The following COPA variants were observed in gnomAD, a reference collection of about 807,000 sequenced individuals.
COPA encodes coatomer subunit alpha.
A neutral mutation model predicts 158.7 loss-of-function variants in COPA; 10 were observed. That is an observed-to-expected ratio of 0.06 (90% CI 0.04 to 0.11). The LOEUF is 0.11. Among genes scored for constraint, COPA ranks in the 10% least tolerant of loss-of-function variants. COPA has a pLI of 1.00. For missense variants in COPA, 1,065 were observed against 1,536.7 expected (o/e 0.69, Z 5.13); for synonymous variants, 462 against 542.8 (o/e 0.85, Z 2.07).
Position 160,313,108 on chromosome 1 carries a change from G to A in COPA, c.902C>T (p.Pro301Leu). The A allele has an allele frequency of 6.2e-7, 1 of 1,614,120 alleles. No homozygotes were observed. Among genetic ancestry groups the A allele is most frequent in the Non-Finnish European group, 8.5e-7 (1 of 1,180,012 alleles). ...ACCTGCTGCAAAGAGGTTAAGGTTA[G>A]GGTGAGCAGCTAGGACCCAGAAACG... is the stretch of plus-strand genomic sequence containing the variant. ...HDRFWVLAAH[P>L]NLNLFAAGHD... Residue 301 changes from proline (P) to leucine (L), a missense_variant, in exon 10 of 33, where the codon CCT (proline) becomes CTT (leucine). By Grantham distance (98) the Pro-to-Leu change is moderately conservative. Around this residue, in one of 2 missense-constraint regions of COPA, gnomAD observed 980 missense variants for 1,357.8 expected, o/e 0.72. Coordinates refer to ENST00000241704, the MANE Select transcript of COPA (RefSeq NM_004371.4).
intron 1 of COPA, 63 bp from the exon 2 acceptor site, chr1:160,340,357 T>C: frequency 4.8e-6 from 5 of 1,043,114 alleles, no homozygotes; most frequent in Non-Finnish European, 7.3e-6. Flanking sequence ...CTTCTGTCAA[T>C]TCTGATAAGA....
In COPA at chr1:160,294,626, G is replaced by C. The variant is rs1289916135; in HGVS notation, c.2567-33C>G. The C allele has an allele frequency of 2.5e-6, 4 of 1,610,684 alleles. No homozygotes were observed. In the South Asian group the frequency reaches 4.4e-5, roughly 18 times the overall value. On this transcript the variant is annotated intron_variant, in intron 24 of 32. Coordinates refer to ENST00000241704, the MANE Select transcript of COPA (RefSeq NM_004371.4). ...GAAAATTCAAGCTCAAAACAGATTTGGGCAGTGGCATAATCTTAGCCAAAG... is the reference window on the plus strand; with the variant it reads ...GAAAATTCAAGCTCAAAACAGATTTCGGCAGTGGCATAATCTTAGCCAAAG...
At chr1:160,296,592 TTGAC>T (rs1285338291) in intron 21 of COPA, among the ~76,000 whole-genome samples, 6 of 152,214 alleles carry the variant, frequency 3.9e-5, no homozygotes, top group African/African-American at 1.4e-4. Flanking sequence ...GGCCAACACT[TTGAC>T]TGTAGCCTCA....
intron 22 of COPA, 21 bp from the exon 23 acceptor site, chr1:160,295,880 G>A (rs371958512): frequency 1.9e-6 from 3 of 1,591,694 alleles, no homozygotes; most frequent in South Asian, 2.3e-5. Flanking sequence ...GAAGAAAAGA[G>A]GCTAAAAACA....
intron 23 of COPA, 144 bp downstream of exon 23, chr1:160,295,592 C>T (rs1049893440): frequency 2.3e-6 from 2 of 882,180 alleles, no homozygotes; most frequent in African/African-American, 3.5e-5. Context: ...TTTAAGACTG[C>T]ACCATAAATG....
intron 9 of COPA, 123 bp from the exon 10 acceptor site, chr1:160,313,290 C>T (rs1659028258): frequency 1.4e-5 from 11 of 792,360 alleles, no homozygotes; most frequent in South Asian, 1.1e-4. Context: ...GAGTAAACTG[C>T]ATATCCTAAG....
In COPA at chr1:160,299,437, C is replaced by T. The variant is rs149239084; in HGVS notation, c.1668-173G>A. Among the ~76,000 whole-genome samples, 248 of 152,258 alleles carry T rather than the reference C, an allele frequency of 1.6e-3. 1 individual carries two copies. Among genetic ancestry groups the T allele is most frequent in the Non-Finnish European group, 9.3e-4 (63 of 68,034 alleles). On this transcript the variant is annotated intron_variant, in intron 17 of 32. Transcript: ENST00000241704. ...TGCCAAATTTATCATATTCTTTCTA[C>T]GATGGGGTAGATGGCACGATCTTTA...
At position 160,333,588 on chromosome 1, in the gene COPA, T is replaced by C. The variant is rs1647631433; in HGVS notation, c.386+15A>G. 1 of 1,600,696 alleles carries C rather than the reference T, an allele frequency of 6.2e-7. No homozygotes were observed. Among genetic ancestry groups the C allele is most frequent in the African/African-American group, 1.3e-5 (1 of 74,388 alleles). ...AAATGAAGACTCTTTTCGAGCCCTC[T>C]GCCTCCTGCTTTACCAAACACAGGT... On this transcript the variant is annotated intron_variant, in intron 5 of 32. Transcript: ENST00000241704.
intron 31 of COPA, 112 bp downstream of exon 31, chr1:160,291,223 T>C (rs1026708304): frequency 2.5e-6 from 3 of 1,216,666 alleles, no homozygotes; most frequent in Non-Finnish European, 3.5e-6. Context: ...TGTTGGCTTT[T>C]TGTTGAATGT....
intron 3 of COPA, 151 bp from the exon 4 acceptor site, chr1:160,335,473 A>G: frequency 2.0e-6 from 1 of 510,566 alleles, no homozygotes; most frequent in African/African-American, 2.0e-5. Context: ...ATAGGTAGGA[A>G]CCTTGGTAGA....
At chr1:160,317,181 A>G (rs1288891579) in intron 8 of COPA, among the ~76,000 whole-genome samples, 3 of 152,242 alleles carry the variant, frequency 2.0e-5, no homozygotes, top group African/African-American at 7.2e-5. Context: ...TCCCATACAA[A>G]CAAAAGGTGA....
At chr1:160,325,690 A>T in intron 6 of COPA, 38 bp from the exon 7 acceptor site, 3 of 1,454,096 alleles carry the variant, frequency 2.1e-6, no homozygotes, top group Non-Finnish European at 2.9e-6. Flanking sequence ...AGATGTAAAC[A>T]TAATATTATC....
chr1:160,299,220 G>C lies in COPA; in HGVS notation c.1712C>G (p.Thr571Arg). 6.2e-7 allele frequency: 1 copy of C among 1,614,126 alleles called. No individual in the cohort carries two copies. The highest frequency in any genetic ancestry group is 8.5e-7 in the Non-Finnish European group (1 of 1,179,990). Reference protein sequence around the residue: ...IRTLDLPIYVTRVKGNNVYCL... With the variant: ...IRTLDLPIYVRRVKGNNVYCL... ...GTATACATTGTTGCCCTTCACCCGT[G>C]TGACATAGATGGGTAAATCCAGAGT... Residue 571 changes from threonine (T) to arginine (R), a missense_variant, in exon 18 of 33, where the codon ACA becomes AGA. Thr to Arg is a moderately conservative substitution (Grantham distance 71). Around this residue, in one of 2 missense-constraint regions of COPA, gnomAD observed 980 missense variants for 1,357.8 expected, o/e 0.72. Transcript: ENST00000241704.
intron 3 of COPA, among the ~76,000 whole-genome samples, chr1:160,338,135 A>C (rs1213726736): frequency 1.3e-5 from 2 of 152,214 alleles, no homozygotes; most frequent in Non-Finnish European, 2.9e-5. Context: ...ATTAACACCC[A>C]GTTTTTCCTT....
chr1:160,305,378 C>G (rs953577361), intron 17 of COPA, 55 bp downstream of exon 17: 3 of 1,566,308 alleles, frequency 1.9e-6, no homozygotes, highest in African/African-American at 1.4e-5. Flanking sequence ...CAAGACAAGA[C>G]AGTGATTTCA....
rs1557879585 is a variant in COPA at position 160,343,200 on chromosome 1, T to G, written c.-30A>C. ...CAGGTCTCCGACTCCGATGTCTTAA[T>G]CCGAGCCCCGACACACCCTGCTGCC... On this transcript the variant is annotated 5_prime_UTR_variant, in exon 1 of 33. Coordinates refer to ENST00000241704, the MANE Select transcript of COPA (RefSeq NM_004371.4). 1.2e-6 allele frequency: 2 copies of G among 1,614,062 alleles called. No homozygotes were observed. Among genetic ancestry groups the G allele is most frequent in the Admixed American group, 1.7e-5 (1 of 60,014 alleles).
At chr1:160,337,229 T>C (rs1046413445) in intron 3 of COPA, among the ~76,000 whole-genome samples, 3 of 152,198 alleles carry the variant, frequency 2.0e-5, no homozygotes, top group Non-Finnish European at 2.9e-5. Context: ...CTTAAAAACT[T>C]ATAGGGGTTT....
chr1:160,300,589 C>A (rs1010706600), intron 17 of COPA, among the ~76,000 whole-genome samples: 5 of 151,996 alleles, frequency 3.3e-5, no homozygotes, highest in Non-Finnish European at 5.9e-5. Context: ...CAGTTGTATG[C>A]AAACTCATTG....
intron 8 of COPA, among the ~76,000 whole-genome samples, chr1:160,314,441 C>A (rs1659072044): frequency 6.6e-6 from 1 of 152,054 alleles, no homozygotes; most frequent in South Asian, 2.1e-4. Context: ...TCAGCCTGGG[C>A]AACATGGTAA....
Sources: gnomAD v4.1 joint callset for allele counts (sites outside exome capture counted in the v4.1 genomes callset) on GRCh38, gnomAD v4.1.1 for gene constraint, gnomAD v4.1.1 regional missense constraint, MANE v1.5 for transcripts, NCBI Gene and HGNC (gene_info 2026-07-23, HGNC 2026-07-21) for gene names.